Variants in ZNF469 observed in about 807,000 individuals in gnomAD.
ZNF469 encodes the protein zinc finger protein 469.
ZNF469 carries 1 observed loss-of-function variant against 1.0 expected under a neutral mutation model. That is an observed-to-expected ratio of 1.00 (90% CI 0.35 to 4.73). The LOEUF (loss-of-function observed/expected upper bound fraction) is 4.73, where lower values mean the gene tolerates loss of function less well. ZNF469 is among the 30% of genes most tolerant of loss of function. ZNF469 has a pLI of 0.16. For missense variants in ZNF469, 6,100 were observed against 5,356.3 expected (o/e 1.14, Z -4.33); for synonymous variants, 2,703 against 2,363.4 (o/e 1.14, Z -4.17).
At chr16:88,251,298 C>G in the ZNF469 span, among the ~76,000 whole-genome samples, 6 of 151,288 alleles carry the variant, frequency 4.0e-5, no homozygotes, top group South Asian at 2.1e-4. Context: ...TTCTTGAGCA[C>G]GAGTCACACT....
the ZNF469 span, among the ~76,000 whole-genome samples, chr16:88,197,585 C>G: frequency 7.9e-5 from 12 of 152,332 alleles, no homozygotes; most frequent in Middle Eastern, 6.8e-3. Context: ...GCATAACAAA[C>G]TACCCCCAAC....
chr16:88,193,081 A>ATGG, the ZNF469 span, among the ~76,000 whole-genome samples: 3 of 36,392 alleles, frequency 8.2e-5, no homozygotes, highest in Admixed American at 2.7e-4. Flanking sequence ...GGTGGTGGTG[A>ATGG]TGGTGGTGGT....
At chr16:88,283,260 A>G in the ZNF469 span, among the ~76,000 whole-genome samples, 1 of 151,882 alleles carries the variant, frequency 6.6e-6, no homozygotes, top group Non-Finnish European at 1.5e-5. Flanking sequence ...GTCAGAACCC[A>G]TTGACTTGTA....
chr16:88,213,350 C>T, the ZNF469 span, among the ~76,000 whole-genome samples: 9 of 152,110 alleles, frequency 5.9e-5, no homozygotes, highest in Non-Finnish European at 1.2e-4. Flanking sequence ...CCGCTCGCCT[C>T]GGCCTCCCAA....
rs962357825 is a variant in ZNF469 at position 88,386,964 on chromosome 16, G to A, written c.-192+3710G>A. Among the ~76,000 whole-genome samples the A allele has an allele frequency of 1.4e-4, 21 of 152,180 alleles. No individual in the cohort carries two copies. In the South Asian group the frequency reaches 1.4e-3, roughly 10 times the overall value. On this transcript the variant is annotated intron_variant, in intron 1 of 2. Transcript: ENST00000565624. ...CTGTCCTCAGGGACTGGCTGCAATC[G>A]TATACTTCAGAGCTAAGGACTTCCA...
rs1484449016 is a variant in ZNF469, at chr16:88,438,058, C to A, written c.10588C>A (p.Pro3530Thr). Reference protein sequence around the residue: ...TKGWPETLERPVDPVTHPIRG... With the variant: ...TKGWPETLERTVDPVTHPIRG... ...GGGATGGCCCGAGACCCTAGAGAGG[C>A]CTGTAGACCCCGTGACCCACCCGAT... The change falls in exon 3 of 3, where the codon CCT (proline) becomes ACT (threonine). Residue 3530 changes from proline (P) to threonine (T), a missense_variant. Pro to Thr is a conservative substitution (Grantham distance 38). Transcript: ENST00000565624. 2.6e-6 allele frequency: 4 copies of A among 1,550,262 alleles called. No individual in the cohort carries two copies. Among genetic ancestry groups the A allele is most frequent in the Non-Finnish European group, 3.5e-6 (4 of 1,146,976 alleles).
chr16:88,165,987 A>G, the ZNF469 span, among the ~76,000 whole-genome samples: 1 of 152,128 alleles, frequency 6.6e-6, no homozygotes, highest in African/African-American at 2.4e-5. Context: ...TAAACTTTTA[A>G]AACCTTGCAC....
At chr16:88,136,437 G>C in the ZNF469 span, among the ~76,000 whole-genome samples, 2 of 152,376 alleles carry the variant, frequency 1.3e-5, no homozygotes, top group East Asian at 3.9e-4. Context: ...GGCTTGGCCA[G>C]GAGGCTGGGT....
the ZNF469 span, among the ~76,000 whole-genome samples, chr16:88,210,783 T>G: frequency 6.6e-6 from 1 of 152,368 alleles, no homozygotes; most frequent in South Asian, 2.1e-4. Context: ...TTCTGTTTTG[T>G]TGTGTATCGG....
At chr16:88,213,666 G>C in the ZNF469 span, among the ~76,000 whole-genome samples, 2 of 152,120 alleles carry the variant, frequency 1.3e-5, no homozygotes, top group African/African-American at 4.8e-5. Flanking sequence ...TCCCCCAAAA[G>C]GGTTGCCTTT....
chr16:88,426,095 C>T (rs1005701860), intron 2 of ZNF469, among the ~76,000 whole-genome samples: 3 of 152,352 alleles, frequency 2.0e-5, no homozygotes, highest in African/African-American at 7.2e-5. Context: ...GGGCATGAGA[C>T]ACCACCAGCT....
At position 88,430,504 on chromosome 16, in the gene ZNF469, G is replaced by A. The variant is rs1360844409; in HGVS notation, c.3034G>A (p.Val1012Ile). 1 of 1,423,142 alleles carries A rather than the reference G, an allele frequency of 7.0e-7. No individual in the cohort carries two copies. The highest frequency in any genetic ancestry group is 9.1e-7 in the Non-Finnish European group (1 of 1,098,914). 88.2% of individuals were successfully genotyped at this position (1,423,142 alleles called of 1,614,324 possible). ...GAGCCGCGCAGACCCCGCGCCCCGGGTCCCGAGAGCCGCCGCCCTCCCCGA... is the reference window on the plus strand; with the variant it reads ...GAGCCGCGCAGACCCCGCGCCCCGGATCCCGAGAGCCGCCGCCCTCCCCGA... ...PGSRADPAPR[V>I]PRAAALPEET... The change falls in exon 3 of 3, where the codon GTC (valine) becomes ATC (isoleucine). Residue 1012 changes from valine to isoleucine, a missense_variant. Physicochemically the swap from Val to Ile is conservative, Grantham distance 29. Coordinates refer to ENST00000565624, the MANE Select transcript of ZNF469 (RefSeq NM_001367624.2).
the ZNF469 span, among the ~76,000 whole-genome samples, chr16:88,338,246 G>A: frequency 7.9e-6 from 1 of 126,488 alleles, no homozygotes; most frequent in South Asian, 2.6e-4. Flanking sequence ...GGGTCCCATG[G>A]GTGGGGAGCT....
upstream of ZNF469, among the ~76,000 whole-genome samples, chr16:88,379,809 G>C (rs2092516411): frequency 2.1e-5 from 3 of 143,272 alleles, no homozygotes; most frequent in Non-Finnish European, 4.6e-5. Flanking sequence ...GGTGTGCCGC[G>C]GGCCTTGGCC....
the ZNF469 span, among the ~76,000 whole-genome samples, chr16:88,193,893 C>G: frequency 1.3e-5 from 2 of 152,160 alleles, no homozygotes; most frequent in African/African-American, 4.8e-5. Flanking sequence ...CTTTCTAGGG[C>G]CTTTTATAAA....
the ZNF469 span, among the ~76,000 whole-genome samples, chr16:88,377,313 C>T: frequency 6.6e-6 from 1 of 152,240 alleles, no homozygotes; most frequent in African/African-American, 2.4e-5. Flanking sequence ...TCCTGCATGC[C>T]CAGACCCTCT....
the ZNF469 span, among the ~76,000 whole-genome samples, chr16:88,140,703 G>A: frequency 6.6e-6 from 1 of 152,192 alleles, no homozygotes; most frequent in Admixed American, 6.5e-5. Context: ...AAGCCGAGGT[G>A]GGTGGATCAT....
chr16:88,216,977 A>G, the ZNF469 span, among the ~76,000 whole-genome samples: 3 of 151,482 alleles, frequency 2.0e-5, no homozygotes, highest in Non-Finnish European at 4.4e-5. Flanking sequence ...GAATTTCTTC[A>G]TCTGTTCCTC....
At chr16:88,394,485 G>A (rs1471730917) in intron 1 of ZNF469, among the ~76,000 whole-genome samples, 1 of 152,204 alleles carries the variant, frequency 6.6e-6, no homozygotes, top group South Asian at 2.1e-4. Flanking sequence ...AGCATTTCAC[G>A]TTCTGTTGGA....
Sources: gnomAD v4.1 joint callset for allele counts (sites outside exome capture counted in the v4.1 genomes callset) on GRCh38, gnomAD v4.1.1 for gene constraint, MANE v1.5 for transcripts, NCBI Gene and HGNC (gene_info 2026-07-23, HGNC 2026-07-21) for gene names.